The following GALNS variants were observed in gnomAD, a reference collection of about 807,000 sequenced individuals.
The protein encoded by GALNS is N-acetylgalactosamine-6-sulfatase.
In GALNS, 65 loss-of-function variants were observed where a neutral mutation model predicts 65.9. That is an observed-to-expected ratio of 0.99 (90% confidence interval 0.81 to 1.21). The LOEUF (loss-of-function observed/expected upper bound fraction) is 1.21. GALNS is among the 50% of genes most tolerant of loss of function. GALNS has a pLI of 0.00. For missense variants in GALNS, 776 were observed against 700.7 expected (o/e 1.11, Z -1.21); for synonymous variants, 346 against 288.9 (o/e 1.20, Z -2.00).
At chr16:88,836,140 G>C in intron 6 of GALNS, 61 bp downstream of exon 6, 1 of 1,470,004 alleles carries the variant, frequency 6.8e-7, no homozygotes, top group Non-Finnish European at 9.5e-7. Flanking sequence ...CACAGGATGA[G>C]GTTGGTGCGG....
At position 88,837,512 on chromosome 16, in the gene GALNS, A is replaced by C. The variant is rs16965092; in HGVS notation, c.566+110T>G. The C allele has an allele frequency of 0.038, 44,257 of 1,153,834 alleles. 1,041 individuals are homozygous for C. Among genetic ancestry groups the C allele is most frequent in the South Asian group, 0.077 (5,991 of 77,604 alleles). 71.5% of individuals were successfully genotyped at this position (1,153,834 alleles called of 1,614,324 possible). A position where few individuals can be genotyped will look rare whatever the true frequency, so the allele number is the denominator to read the frequency against. Reference sequence around the variant, plus strand: ...TCGGTGCCCGGGGACCCAGGGACAGACCAGCCCTCATGAGTGGCGACTTGA... The same window carrying C: ...TCGGTGCCCGGGGACCCAGGGACAGCCCAGCCCTCATGAGTGGCGACTTGA... On this transcript the variant is annotated intron_variant, in intron 5 of 13. Transcript: ENST00000268695.
chr16:88,816,709 G>C (rs1909665786), intron 13 of GALNS: 1 of 985,360 alleles, frequency 1.0e-6, no homozygotes, highest in Admixed American at 6.1e-5. Context: ...TGGCTGTTCA[G>C]AGCCACCACC....
chr16:88,835,118 G>T, intron 8 of GALNS, 95 bp downstream of exon 8: 1 of 1,485,348 alleles, frequency 6.7e-7, no homozygotes, highest in Non-Finnish European at 9.2e-7. Context: ...TTCATGCTCT[G>T]CCCACCACAG....
At position 88,841,451 on chromosome 16, in the gene GALNS, C is replaced by T. The variant is rs182087949; in HGVS notation, c.320-357G>A. Among the ~76,000 whole-genome samples the T allele has an allele frequency of 7.0e-4, 107 of 152,268 alleles. No individual in the cohort carries two copies. In the East Asian group the frequency reaches 0.016, roughly 23 times the overall value. Reference sequence around the variant, plus strand: ...GAATATGCCACGTGATGCTGCACTGCCCCACCCCTGCCTCCCCCGTCCTTC... The same window carrying T: ...GAATATGCCACGTGATGCTGCACTGTCCCACCCCTGCCTCCCCCGTCCTTC... On this transcript the variant is annotated intron_variant, in intron 3 of 13. Coordinates refer to ENST00000268695, the MANE Select transcript of GALNS (RefSeq NM_000512.5).
At chr16:88,814,703 C>A in intron 13 of GALNS, 178 bp from the exon 14 acceptor site, 1 of 477,892 alleles carries the variant, frequency 2.1e-6, no homozygotes, top group Non-Finnish European at 2.7e-6. Context: ...AAGAGATTCT[C>A]CTGCCTCAGC....
At chr16:88,842,882 G>C in intron 1 of GALNS, 53 bp from the exon 2 acceptor site, 1 of 1,602,776 alleles carries the variant, frequency 6.2e-7, no homozygotes, top group Non-Finnish European at 8.5e-7. Context: ...AGGTGCTTCT[G>C]GCCTGGGGAG....
intron 5 of GALNS, 129 bp downstream of exon 5, chr16:88,837,493 C>A: frequency 1.1e-6 from 1 of 943,762 alleles, no homozygotes; most frequent in Non-Finnish European, 1.6e-6. Flanking sequence ...GCCCTCGGTG[C>A]CCGGGGACCC....
chr16:88,815,570 G>A (rs1260103840), intron 13 of GALNS: 5 of 985,380 alleles, frequency 5.1e-6, no homozygotes, highest in Non-Finnish European at 4.8e-6. Flanking sequence ...GCCGCTAAGA[G>A]GAGCCTTCTT....
chr16:88,814,759 C>T (rs979440100), intron 13 of GALNS: 1 of 235,218 alleles, frequency 4.3e-6, no homozygotes, highest in South Asian at 1.5e-4. Flanking sequence ...CGCCACCACG[C>T]CTGGCTAATT....
intron 6 of GALNS, 54 bp downstream of exon 6, chr16:88,836,147 G>A: frequency 6.7e-7 from 1 of 1,503,014 alleles, no homozygotes; most frequent in Non-Finnish European, 9.2e-7. Context: ...TGAGGTTGGT[G>A]CGGTCCCCGT....
chr16:88,834,789 G>A (rs1430121030), intron 8 of GALNS, among the ~76,000 whole-genome samples: 1 of 152,144 alleles, frequency 6.6e-6, no homozygotes, highest in African/African-American at 2.4e-5. Flanking sequence ...CATCTTCATG[G>A]AGGCAGCCCG....
intron 12 of GALNS, among the ~76,000 whole-genome samples, chr16:88,819,750 A>G (rs1330903070): frequency 3.3e-5 from 5 of 151,466 alleles, no homozygotes; most frequent in Admixed American, 1.3e-4. Context: ...CTGGAGTGCA[A>G]TGGCATGATC....
At position 88,832,086 on chromosome 16, in the gene GALNS, G is replaced by C. The variant is rs765371633; in HGVS notation, c.914C>G (p.Pro305Arg). 2 of 1,613,826 alleles carry C rather than the reference G, an allele frequency of 1.2e-6. No homozygotes were observed. Among genetic ancestry groups the C allele is most frequent in the Non-Finnish European group, 1.7e-6 (2 of 1,179,894 alleles). ...CGTGGTCTGCTTCCCACACAGAAAGGGGCCGTTGCTGCCACCTGGGAGAGA... is the reference window on the plus strand; with the variant it reads ...CGTGGTCTGCTTCCCACACAGAAAGCGGCCGTTGCTGCCACCTGGGAGAGA... ...SAPEQGGSNGPFLCGKQTTFE... is the reference protein window; with the variant it reads ...SAPEQGGSNGRFLCGKQTTFE... Residue 305 changes from proline to arginine, a missense_variant, in exon 9 of 14, where the codon CCC becomes CGC. By Grantham distance (103) the Pro-to-Arg change is moderately radical. Coordinates refer to ENST00000268695, the MANE Select transcript of GALNS (RefSeq NM_000512.5).
intron 9 of GALNS, among the ~76,000 whole-genome samples, chr16:88,830,916 G>A (rs1367470934): frequency 1.3e-5 from 2 of 152,220 alleles, no homozygotes; most frequent in Non-Finnish European, 2.9e-5. Flanking sequence ...AGACAGACAG[G>A]TTTTTAAACA....
At chr16:88,828,287 C>T (rs367881749) in intron 9 of GALNS, among the ~76,000 whole-genome samples, 6,138 of 20,282 alleles carry the variant, frequency 0.3, 158 homozygotes, top group Admixed American at 0.41. Context: ...GGCGGGCGGG[C>T]GGGAGTGGTG....
Position 88,817,986 on chromosome 16 carries a change from GC to G in GALNS, c.1482+20del. ...CTGCAGCCCCGGCAAAGAGACGGCC[GC>G]CCACACACCAGCCACTTACCATGAC... On this transcript the variant is annotated intron_variant, in intron 13 of 13. Transcript: ENST00000268695. 1 of 1,553,236 alleles carries G rather than the reference GC, an allele frequency of 6.4e-7. No individual in the cohort carries two copies. Among genetic ancestry groups the G allele is most frequent in the Non-Finnish European group, 8.7e-7 (1 of 1,150,964 alleles).
At chr16:88,818,149 A>G in intron 12 of GALNS, 25 bp from the exon 13 acceptor site, 1 of 1,550,372 alleles carries the variant, frequency 6.5e-7, no homozygotes. Context: ...CTCTGGTCAC[A>G]CGGCTGGGGC....
At chr16:88,842,865 C>T (rs1322419593) in intron 1 of GALNS, 36 bp from the exon 2 acceptor site, 1 of 1,609,910 alleles carries the variant, frequency 6.2e-7, no homozygotes, top group Non-Finnish European at 8.5e-7. Context: ...GAATGAGCGC[C>T]TTCTGCAGGT....
At chr16:88,839,981 G>A (rs754408055) in intron 4 of GALNS, among the ~76,000 whole-genome samples, 3 of 152,238 alleles carry the variant, frequency 2.0e-5, no homozygotes, top group Non-Finnish European at 4.4e-5. Flanking sequence ...ACGCGCTCCA[G>A]TGGCCCTCGG....
Sources: allele counts gnomAD v4.1 joint callset (sites outside exome capture counted in the v4.1 genomes callset), GRCh38; gene constraint gnomAD v4.1.1; transcripts MANE v1.5; gene names NCBI Gene and HGNC (gene_info 2026-07-23, HGNC 2026-07-21).